The following CDC27 variants were observed in gnomAD, a reference collection of about 807,000 sequenced individuals.
CDC27 encodes the protein cell division cycle 27.
CDC27 carries 27 observed loss-of-function variants against 109.7 expected under a neutral mutation model. The observed-to-expected ratio is 0.25, with a 90% CI of 0.18 to 0.34. The LOEUF is 0.34. Ranked by LOEUF, CDC27 falls within the 10% of genes least tolerant of loss-of-function variation. The probability of loss-of-function intolerance (pLI) is 1.00; values close to 1 mark genes in which losing one functional copy is unlikely to be tolerated. For synonymous variants in CDC27, 266 were observed against 333.9 expected, an observed-to-expected ratio of 0.80 and a Z score of 2.22; for missense variants, 579 against 960.2, an observed-to-expected ratio of 0.60 and a Z score of 5.25.
Position 47,138,889 on chromosome 17 carries a change from AGCCTG to A in CDC27, c.1552-3_1553del. On this transcript the variant is annotated splice_acceptor_variant and splice_polypyrimidine_tract_variant and coding_sequence_variant and intron_variant, in exon 13 of 19. Transcript: ENST00000066544. LOFTEE classifies it high-confidence loss of function. ...TTCTAACCTCTGAGAATATTCTTTCAGCCTGAAATAAAAAAAACTAGTAAGAGAAA... is the reference window on the plus strand; with the variant it reads ...TTCTAACCTCTGAGAATATTCTTTCAAAATAAAAAAAACTAGTAAGAGAAA... The A allele has an allele frequency of 6.4e-7, 1 of 1,561,054 alleles. No homozygotes were observed. The highest frequency in any genetic ancestry group is 1.4e-5 in the African/African-American group (1 of 72,220).
chr17:47,169,880 A>G, intron 4 of CDC27, 37 bp downstream of exon 4: 1 of 1,530,556 alleles, frequency 6.5e-7, no homozygotes, highest in Non-Finnish European at 8.8e-7. Context: ...ACTTGTATGG[A>G]AATGCTTTTC....
intron 1 of CDC27, 112 bp from the exon 2 acceptor site, chr17:47,181,749 T>G (rs2064248364): frequency 1.8e-6 from 1 of 555,946 alleles, no homozygotes; most frequent in African/African-American, 1.9e-5. Flanking sequence ...ATTTAAGTGA[T>G]AAAACCCCAA....
At chr17:47,149,981 C>T (rs1317166943) in intron 9 of CDC27, among the ~76,000 whole-genome samples, 1 of 151,804 alleles carries the variant, frequency 6.6e-6, no homozygotes, top group Non-Finnish European at 1.5e-5. Context: ...AAAAACAAAA[C>T]TCTATAAAAA....
rs752920690 is a variant in CDC27, at chr17:47,154,663, G to T, written c.957+9C>A. On this transcript the variant is annotated intron_variant, in intron 8 of 18. Transcript: ENST00000066544. ...TCAATTCCCAAACTGCATTTTACAT[G>T]GAAAATACCTTTTTTGAAGGGGCTC... 4.0e-5 allele frequency: 57 copies of T among 1,438,442 alleles called. 1 individual carries two copies. The South Asian group carries it at 5.8e-4, about 15-fold the overall frequency. The allele number at this position is 1,438,442 out of a possible 1,614,324, so 89.1% of individuals were successfully genotyped here.
chr17:47,177,844 TTA>T (rs2064073293), intron 2 of CDC27, among the ~76,000 whole-genome samples: 1 of 143,476 alleles, frequency 7.0e-6, no homozygotes, highest in African/African-American at 2.6e-5. Flanking sequence ...AACTCTTATT[TTA>T]TATGTGTGTG....
In CDC27 at chr17:47,123,936, A is replaced by C. The variant is rs562213487; in HGVS notation, c.2185T>G (p.Leu729Val). 2.5e-6 allele frequency: 4 copies of C among 1,604,026 alleles called. No homozygotes were observed. The highest frequency in any genetic ancestry group is 3.4e-6 in the Non-Finnish European group (4 of 1,177,446). ...GATTCTTTGGGAACAATTTGTTTCAATTCTTCAAGTTCTTGTAAAGCAGAC... is the reference window on the plus strand; with the variant it reads ...GATTCTTTGGGAACAATTTGTTTCACTTCTTCAAGTTCTTGTAAAGCAGAC... ...YKSALQELEE[L>V]KQIVPKESLV... The change falls in exon 17 of 19, where the codon TTG becomes GTG. Residue 729 changes from leucine (L) to valine (V), a missense_variant. Physicochemically the swap from Leu to Val is conservative, Grantham distance 32. Transcript: ENST00000066544.
intron 1 of CDC27, among the ~76,000 whole-genome samples, chr17:47,184,496 T>C (rs1010826808): frequency 6.6e-6 from 1 of 152,178 alleles, no homozygotes; most frequent in Non-Finnish European, 1.5e-5. Flanking sequence ...CAAAAAGTCC[T>C]AGAGCTTTGA....
chr17:47,138,678 T>C, intron 13 of CDC27, 61 bp downstream of exon 13: 1 of 1,176,068 alleles, frequency 8.5e-7, no homozygotes, highest in African/African-American at 1.5e-5. Flanking sequence ...TTGGTTCATC[T>C]CTATCTGTTG....
chr17:47,164,805 C>T (rs78120523), intron 4 of CDC27, among the ~76,000 whole-genome samples: 6,514 of 152,076 alleles, frequency 0.043, 202 homozygotes, highest in Middle Eastern at 0.1. Flanking sequence ...CGACAGAGCG[C>T]AAGATTCCAT....
chr17:47,137,406 T>C, intron 13 of CDC27, 46 bp from the exon 14 acceptor site: 1 of 1,271,256 alleles, frequency 7.9e-7, no homozygotes, highest in Non-Finnish European at 1.0e-6. Flanking sequence ...AAATTTTACT[T>C]TTTCTAAAAC....
intron 1 of CDC27, among the ~76,000 whole-genome samples, chr17:47,186,166 CT>C (rs2064427984): frequency 6.6e-6 from 1 of 152,180 alleles, no homozygotes; most frequent in South Asian, 2.1e-4. Context: ...CAAAGTGGTG[CT>C]TTTATTACAT....
chr17:47,183,494 G>A (rs146569035), intron 1 of CDC27, among the ~76,000 whole-genome samples: 125 of 152,252 alleles, frequency 8.2e-4, no homozygotes, highest in African/African-American at 2.9e-3. Context: ...GATCTCCAGA[G>A]CCTCTTGTTT....
At chr17:47,125,437 C>T (rs376084177) in intron 16 of CDC27, among the ~76,000 whole-genome samples, 4 of 145,824 alleles carry the variant, frequency 2.7e-5, no homozygotes, top group African/African-American at 1.0e-4. Flanking sequence ...AGTAGACACG[C>T]GGTTTCACCA....
At chr17:47,172,716 C>T (rs1598572495) in intron 2 of CDC27, among the ~76,000 whole-genome samples, 1 of 152,064 alleles carries the variant, frequency 6.6e-6, no homozygotes. Context: ...TAGGAAATGC[C>T]CCCTGCCTTC....
At chr17:47,133,287 C>T (rs2062451663) in intron 14 of CDC27, among the ~76,000 whole-genome samples, 2 of 149,384 alleles carry the variant, frequency 1.3e-5, no homozygotes, top group African/African-American at 4.9e-5. Context: ...TACAGGCATG[C>T]ACCATCACGC....
chr17:47,177,003 C>T (rs909132151), intron 2 of CDC27, among the ~76,000 whole-genome samples: 7 of 152,138 alleles, frequency 4.6e-5, no homozygotes, highest in Admixed American at 3.3e-4. Flanking sequence ...GAAACAGATG[C>T]TGAACGTTTT....
intron 9 of CDC27, among the ~76,000 whole-genome samples, chr17:47,144,840 A>G (rs1325716882): frequency 2.7e-5 from 4 of 148,738 alleles, no homozygotes; most frequent in African/African-American, 9.8e-5. Flanking sequence ...TAATATGTAC[A>G]GATACCTCTG....
chr17:47,138,910 G>C lies in CDC27; in HGVS notation c.1552-19C>G, dbSNP rs1336576717. 1 of 1,519,956 alleles carries C rather than the reference G, an allele frequency of 6.6e-7. No individual in the cohort carries two copies. The highest frequency in any genetic ancestry group is 1.2e-5 in the South Asian group (1 of 81,854). 94.2% of individuals were successfully genotyped at this position (1,519,956 alleles called of 1,614,324 possible). A position where few individuals can be genotyped will look rare whatever the true frequency, so the allele number is the denominator to read the frequency against. The stretch of plus-strand genomic sequence containing the variant: ...TTTCAGCCTGAAATAAAAAAAACTA[G>C]TAAGAGAAAACAAGTTGATACAATT... On this transcript the variant is annotated intron_variant, in intron 12 of 18. Coordinates refer to ENST00000066544, the MANE Select transcript of CDC27 (RefSeq NM_001256.6).
chr17:47,174,277 A>C (rs1005575749), intron 2 of CDC27, among the ~76,000 whole-genome samples: 1 of 152,202 alleles, frequency 6.6e-6, no homozygotes, highest in Non-Finnish European at 1.5e-5. Flanking sequence ...AAAGCACAGA[A>C]TATGTTTACT....
Sources: gnomAD v4.1 joint callset for allele counts (sites outside exome capture counted in the v4.1 genomes callset) on GRCh38, gnomAD v4.1.1 for gene constraint, MANE v1.5 for transcripts, NCBI Gene and HGNC (gene_info 2026-07-23, HGNC 2026-07-21) for gene names.